ATP2C2: variants seen among roughly 807,000 people sequenced by gnomAD.
ATP2C2 encodes calcium-transporting ATPase type 2C member 2.
A neutral mutation model predicts 110.8 loss-of-function variants in ATP2C2; 171 were observed. That is an observed-to-expected ratio of 1.54 (90% CI 1.36 to 1.75). The LOEUF (loss-of-function observed/expected upper bound fraction) is 1.75, where lower values mean the gene tolerates loss of function less well. Among genes scored for constraint, ATP2C2 ranks in the 40% most tolerant of loss-of-function variants. The pLI is 0.00. For synonymous variants in ATP2C2, 804 were observed against 508.4 expected (o/e 1.58, Z -7.82); for missense variants, 1,963 against 1,235.0 (o/e 1.59, Z -8.84).
At chr16:84,419,557 T>A (rs577788103) in intron 7 of ATP2C2, among the ~76,000 whole-genome samples, 1 of 152,194 alleles carries the variant, frequency 6.6e-6, no homozygotes, top group Non-Finnish European at 1.5e-5. Flanking sequence ...AGGATTAGGA[T>A]GCGGACATCA....
At chr16:84,463,313 T>G (rs1037145078) in intron 26 of ATP2C2, among the ~76,000 whole-genome samples, 1 of 152,128 alleles carries the variant, frequency 6.6e-6, no homozygotes, top group African/African-American at 2.4e-5. Context: ...GGACAGCTGC[T>G]GTAGGGAAAG....
chr16:84,435,524 G>A (rs961083417), intron 11 of ATP2C2, among the ~76,000 whole-genome samples: 3 of 152,184 alleles, frequency 2.0e-5, no homozygotes, highest in African/African-American at 7.2e-5. Context: ...TTCTAATGCA[G>A]AGGATAAAAA....
intron 13 of ATP2C2, among the ~76,000 whole-genome samples, chr16:84,440,286 T>A (rs1909123544): frequency 6.6e-6 from 1 of 152,248 alleles, no homozygotes; most frequent in Non-Finnish European, 1.5e-5. Flanking sequence ...CAGTGTCCTC[T>A]GCGTGCTTGG....
intron 6 of ATP2C2, among the ~76,000 whole-genome samples, chr16:84,412,528 A>C (rs540415517): frequency 8.0e-6 from 1 of 124,550 alleles, no homozygotes; most frequent in Non-Finnish European, 1.7e-5. Context: ...CTGTGTGTGC[A>C]TGTGTCTGTG....
intron 1 of ATP2C2, among the ~76,000 whole-genome samples, chr16:84,373,568 C>T (rs986172764): frequency 1.3e-5 from 2 of 152,172 alleles, no homozygotes; most frequent in African/African-American, 4.8e-5. Flanking sequence ...GAAATGAGGT[C>T]TCATAACTTC....
chr16:84,393,949 G>A lies in ATP2C2; in HGVS notation c.100-4550G>A, dbSNP rs1219460916. ...GGCAGGTGGATCACTTGAGTCCAGG[G>A]GTTCAAGACCAGCCTGGGCAACATG... On this transcript the variant is annotated intron_variant, in intron 1 of 26. Coordinates refer to ENST00000262429, the MANE Select transcript of ATP2C2 (RefSeq NM_014861.4). Among the ~76,000 whole-genome samples the A allele has an allele frequency of 3.3e-5, 5 of 150,778 alleles. No homozygotes were observed. In the East Asian group the frequency reaches 9.7e-4, roughly 29 times the overall value.
chr16:84,410,542 G>C (rs773936201), intron 4 of ATP2C2, 26 bp from the exon 5 acceptor site: 1 of 1,612,948 alleles, frequency 6.2e-7, no homozygotes, highest in Non-Finnish European at 8.5e-7. Flanking sequence ...CTCTGGTACT[G>C]ACACCCTCCT....
At chr16:84,399,547 T>C (rs543345043) in intron 2 of ATP2C2, among the ~76,000 whole-genome samples, 23 of 152,348 alleles carry the variant, frequency 1.5e-4, no homozygotes, top group African/African-American at 5.3e-4. Context: ...AAATTAGCTG[T>C]ATTTAACGAA....
At chr16:84,453,084 G>C (rs1310444124) in intron 18 of ATP2C2, 54 bp from the exon 19 acceptor site, 2 of 1,538,104 alleles carry the variant, frequency 1.3e-6, no homozygotes, top group Non-Finnish European at 1.8e-6. Flanking sequence ...GGCCGGGAGT[G>C]AGGGGTGGGG....
chr16:84,370,199 G>A (rs980127462), intron 1 of ATP2C2, among the ~76,000 whole-genome samples: 2 of 152,164 alleles, frequency 1.3e-5, no homozygotes, highest in African/African-American at 4.8e-5. Context: ...TGTGCCAGGT[G>A]GACTCGTCCC....
At chr16:84,420,790 C>G (rs1292698003) in intron 7 of ATP2C2, among the ~76,000 whole-genome samples, 1 of 151,992 alleles carries the variant, frequency 6.6e-6, no homozygotes, top group Non-Finnish European at 1.5e-5. Context: ...TGTTTTTGAC[C>G]TTGACCTTGA....
chr16:84,444,105 T>C (rs1909519561), intron 15 of ATP2C2, among the ~76,000 whole-genome samples: 1 of 139,018 alleles, frequency 7.2e-6, no homozygotes, highest in Non-Finnish European at 1.5e-5. Context: ...AGTCTGAGGC[T>C]GCAATGAGCT....
At chr16:84,459,610 T>C (rs377261) in intron 23 of ATP2C2, 716,260 of 1,531,330 alleles carry the variant, frequency 0.47, 173,417 homozygotes, top group Non-Finnish European at 0.5. Flanking sequence ...TGGAACTTTC[T>C]GCTCCCTCTG....
intron 1 of ATP2C2, among the ~76,000 whole-genome samples, chr16:84,397,670 A>AAAAAAAAAAAAAAAAAAAC (rs1555553736): frequency 1.0e-4 from 15 of 145,792 alleles, no homozygotes; most frequent in Non-Finnish European, 1.8e-4. Context: ...AAAAAAAAAA[A>AAAAAAAAAAAAAAAAAAAC]AAACTTGCTT....
chr16:84,460,773 G>A lies in ATP2C2; in HGVS notation c.2453G>A (p.Ser818Asn). Residue 818 changes from serine (S) to asparagine (N), a missense_variant, in exon 24 of 27, where the codon AGC becomes AAC. Transcript: ENST00000262429. ...CTCATGTCCGCGGCCATCATCATCA[G>A]CGGGACCCTCTTTATCTTCTGGAAG... ...KILMSAAIII[S>N]GTLFIFWKEM... The A allele has an allele frequency of 1.2e-6, 2 of 1,613,908 alleles. No homozygotes were observed. Among genetic ancestry groups the A allele is most frequent in the Non-Finnish European group, 8.5e-7 (1 of 1,179,838 alleles).
At chr16:84,373,345 C>A (rs189361542) in intron 1 of ATP2C2, among the ~76,000 whole-genome samples, 1 of 152,010 alleles carries the variant, frequency 6.6e-6, no homozygotes, top group African/African-American at 2.4e-5. Flanking sequence ...ACTAAAAATA[C>A]AAAAATTAGC....
At chr16:84,382,756 C>T (rs1377111652) in intron 1 of ATP2C2, among the ~76,000 whole-genome samples, 1 of 152,136 alleles carries the variant, frequency 6.6e-6, no homozygotes, top group African/African-American at 2.4e-5. Flanking sequence ...TTTAGCCAGG[C>T]ATGGTGGCGG....
At chr16:84,461,875 G>A (rs547241407) in intron 25 of ATP2C2, 63 bp downstream of exon 25, 144 of 1,608,338 alleles carry the variant, frequency 9.0e-5, no homozygotes, top group Non-Finnish European at 1.1e-4. Flanking sequence ...GCAGCGCCCC[G>A]ACCCTGCCCG....
chr16:84,388,994 T>G (rs1904489206), intron 1 of ATP2C2, among the ~76,000 whole-genome samples: 1 of 152,028 alleles, frequency 6.6e-6, no homozygotes, highest in African/African-American at 2.4e-5. Context: ...ATGGTCTCAA[T>G]CTCTTGACCT....
Sources: allele counts gnomAD v4.1 joint callset (sites outside exome capture counted in the v4.1 genomes callset), GRCh38; gene constraint gnomAD v4.1.1; transcripts MANE v1.5; gene names NCBI Gene and HGNC (gene_info 2026-07-23, HGNC 2026-07-21).